The following NDRG2 variants were observed in gnomAD, a reference collection of about 807,000 sequenced individuals.
The protein encoded by NDRG2 is protein NDRG2.
Under a neutral mutation model 58.2 loss-of-function variants are expected in NDRG2, and 34 were observed. The ratio of observed to expected loss-of-function variants is 0.58; its 90% confidence interval spans 0.44 to 0.78. The LOEUF is 0.78. Ranked by LOEUF, NDRG2 falls within the 30% of genes least tolerant of loss-of-function variation. NDRG2 has a pLI of 0.00. For synonymous variants in NDRG2, 187 were observed against 175.9 expected (o/e 1.06, Z -0.50); for missense variants, 434 against 471.2 (o/e 0.92, Z 0.73).
At chr14:21,054,116 C>T (rs574312735) in intron 1 of NDRG2, among the ~76,000 whole-genome samples, 56 of 152,284 alleles carry the variant, frequency 3.7e-4, no homozygotes, top group African/African-American at 1.3e-3. Context: ...AACAAAGCTG[C>T]AGCACGGCCT....
chr14:21,055,012 G>C (rs1199031422), intron 1 of NDRG2, among the ~76,000 whole-genome samples: 5 of 152,088 alleles, frequency 3.3e-5, no homozygotes, highest in Non-Finnish European at 1.5e-5. Flanking sequence ...GCCTTTAGTA[G>C]GTAGTAAATA....
At chr14:21,030,264 A>G (rs906711075), upstream of NDRG2, 1 of 289,922 alleles carries the variant, frequency 3.4e-6, no homozygotes, top group East Asian at 7.2e-5. Context: ...ACTTAAATAC[A>G]AAGGCCGGGA....
Position 21,058,727 on chromosome 14 carries a change from A to G in NDRG2, c.24+12101T>C, listed in dbSNP as rs545909654. ...ATCCTTGGAAGGGCTGTGGCTGGAC[A>G]GTCCAGGGAGATCCCAGACAGGGGT... is the stretch of plus-strand genomic sequence containing the variant. On this transcript the variant is annotated intron_variant, in intron 1 of 14. Coordinates refer to the NDRG2 transcript ENST00000403829. Among the ~76,000 whole-genome samples, 102 of 152,356 alleles carry G rather than the reference A, an allele frequency of 6.7e-4. 1 individual carries two copies. The highest frequency in any genetic ancestry group is 2.1e-3 in the African/African-American group (88 of 41,600).
At chr14:21,017,900 G>GT (rs1877661304) in intron 15 of NDRG2, 87 bp downstream of exon 15, 10 of 1,607,064 alleles carry the variant, frequency 6.2e-6, no homozygotes. Context: ...GCAGATAGCG[G>GT]TGAGTCCAGG....
rs879511619 is a variant in NDRG2, at chr14:21,022,048, G to C, written c.344+14C>G. 1 of 1,613,892 alleles carries C rather than the reference G, an allele frequency of 6.2e-7. No homozygotes were observed. Among genetic ancestry groups the C allele is most frequent in the Non-Finnish European group, 8.5e-7 (1 of 1,180,010 alleles). ...CCTCACAGTCTGGTGAAGCAGTAAC[G>C]ACCTAACTCTTACCCCAAAGGGAAC... On this transcript the variant is annotated intron_variant, in intron 5 of 15. Coordinates refer to ENST00000556147, the MANE Select transcript of NDRG2 (RefSeq NM_001320329.2).
At chr14:21,021,998 G>A (rs953532056) in intron 5 of NDRG2, 64 bp downstream of exon 5, 12 of 1,612,248 alleles carry the variant, frequency 7.4e-6, no homozygotes, top group Middle Eastern at 1.7e-4. Flanking sequence ...CTCCCCAGTC[G>A]AACCTTTCCC....
intron 6 of NDRG2, 82 bp from the exon 7 acceptor site, chr14:21,020,926 C>A (rs568394830): frequency 6.2e-6 from 9 of 1,454,680 alleles, no homozygotes; most frequent in South Asian, 1.1e-5. Flanking sequence ...ACTCTTCACC[C>A]TCCCTCCTGA....
At chr14:21,021,016 G>A in intron 6 of NDRG2, 172 bp from the exon 7 acceptor site, 1 of 733,582 alleles carries the variant, frequency 1.4e-6, no homozygotes, top group South Asian at 1.5e-5. Flanking sequence ...GCCAAAGGTT[G>A]GCACGGGTAG....
intron 10 of NDRG2, 144 bp downstream of exon 10, chr14:21,019,495 G>A (rs745718298): frequency 2.2e-5 from 14 of 635,430 alleles, no homozygotes; most frequent in African/African-American, 3.7e-5. Context: ...CTGTCCTGAA[G>A]CTGCCCCCAT....
At chr14:21,031,310 G>A in intron 1 of NDRG2, 2 of 1,117,618 alleles carry the variant, frequency 1.8e-6, no homozygotes, top group Non-Finnish European at 2.4e-6. Flanking sequence ...CAGAAGTCAG[G>A]AAAATGTGGC....
chr14:21,030,811 AC>A, upstream of NDRG2: 1 of 1,590,954 alleles, frequency 6.3e-7, no homozygotes, highest in Non-Finnish European at 8.6e-7. Context: ...GTAGTTGGCC[AC>A]GGAAGGGTTC....
intron 1 of NDRG2, among the ~76,000 whole-genome samples, chr14:21,046,329 A>C (rs1885142773): frequency 6.6e-6 from 1 of 152,168 alleles, no homozygotes; most frequent in Non-Finnish European, 1.5e-5. Flanking sequence ...GTTTGAGACC[A>C]GTCTGGGCAA....
At chr14:21,035,756 C>T (rs1469789730) in intron 1 of NDRG2, 1 of 456,276 alleles carries the variant, frequency 2.2e-6, no homozygotes, top group South Asian at 1.5e-5. Flanking sequence ...AATCCATCCT[C>T]CCCATAACTT....
chr14:21,067,458 T>TA (rs1886328951), intron 1 of NDRG2, among the ~76,000 whole-genome samples: 2 of 152,162 alleles, frequency 1.3e-5, no homozygotes, highest in Non-Finnish European at 2.9e-5. Context: ...CCCTATAACT[T>TA]ACTGGTTGCG....
In NDRG2 at chr14:21,018,054, G is replaced by A. The variant is rs745847736; in HGVS notation, c.898-16C>T. The A allele has an allele frequency of 6.2e-7, 1 of 1,612,872 alleles. No individual in the cohort carries two copies. Among genetic ancestry groups the A allele is most frequent in the Non-Finnish European group, 8.5e-7 (1 of 1,178,834 alleles). ...GCTTGCCTGGCTGCGGAAGTAAGAAGAGGCGAGGGAGACGGTGAGATGAGG... is the reference window on the plus strand; with the variant it reads ...GCTTGCCTGGCTGCGGAAGTAAGAAAAGGCGAGGGAGACGGTGAGATGAGG... On this transcript the variant is annotated splice_polypyrimidine_tract_variant and intron_variant, in intron 14 of 15. Transcript: ENST00000556147.
intron 1 of NDRG2, among the ~76,000 whole-genome samples, chr14:21,041,022 C>A (rs957575029): frequency 2.6e-5 from 4 of 151,956 alleles, no homozygotes; most frequent in African/African-American, 7.3e-5. Context: ...GACAGGGTCT[C>A]ACTCTGTGAC....
At chr14:21,017,936 G>A (rs747835932) in intron 15 of NDRG2, 51 bp downstream of exon 15, 10 of 1,613,866 alleles carry the variant, frequency 6.2e-6, no homozygotes, top group African/African-American at 1.3e-5. Flanking sequence ...GTTCCACCCC[G>A]TCAGTGCCTA....
chr14:21,021,134 T>C (rs772827764), intron 6 of NDRG2: 8 of 565,500 alleles, frequency 1.4e-5, no homozygotes, highest in South Asian at 1.2e-4. Context: ...CCCATATAGA[T>C]AGCTCTTTGT....
intron 1 of NDRG2, chr14:21,033,653 T>C: frequency 1.6e-6 from 1 of 630,504 alleles, no homozygotes; most frequent in East Asian, 2.7e-5. Flanking sequence ...TAGCACCACT[T>C]TGCATGGTGA....
Sources: allele counts gnomAD v4.1 joint callset (sites outside exome capture counted in the v4.1 genomes callset), GRCh38; gene constraint gnomAD v4.1.1; transcripts MANE v1.5; gene names NCBI Gene and HGNC (gene_info 2026-07-23, HGNC 2026-07-21).